The following PCDHA8 variants were observed in gnomAD, a reference collection of about 807,000 sequenced individuals.
The protein encoded by PCDHA8 is protocadherin alpha 8.
In PCDHA8, 53 loss-of-function variants were observed where a neutral mutation model predicts 61.8. The observed-to-expected ratio is 0.86, with a 90% CI of 0.69 to 1.08. The LOEUF (loss-of-function observed/expected upper bound fraction) is 1.08, where lower values mean the gene tolerates loss of function less well. PCDHA8 is among the 50% of genes least tolerant of loss of function. The pLI is 0.00. For synonymous variants in PCDHA8, 618 were observed against 556.6 expected, an observed-to-expected ratio of 1.11 and a Z score of -1.55; for missense variants, 1,293 against 1,245.0, an observed-to-expected ratio of 1.04 and a Z score of -0.58.
At chr5:140,904,859 T>C (rs1294164011) in intron 1 of PCDHA8, among the ~76,000 whole-genome samples, 8 of 152,242 alleles carry the variant, frequency 5.3e-5, no homozygotes, top group Non-Finnish European at 1.2e-4. Flanking sequence ...GAGAATTGTC[T>C]GTTTATGTCC....
chr5:141,009,494 A>G (rs1554262180), intron 3 of PCDHA8, 133 bp from the exon 4 acceptor site: 16 of 1,488,800 alleles, frequency 1.1e-5, no homozygotes, highest in Non-Finnish European at 1.4e-5. Flanking sequence ...TTGCCCTCAG[A>G]CTTGAACAAA....
At chr5:140,953,254 C>A (rs1483553184) in intron 1 of PCDHA8, among the ~76,000 whole-genome samples, 3 of 152,098 alleles carry the variant, frequency 2.0e-5, no homozygotes, top group Non-Finnish European at 2.9e-5. Flanking sequence ...CAGTTTAGTT[C>A]TTTTAGCTTT....
chr5:140,871,027 C>T (rs1554164992), intron 1 of PCDHA8: 1 of 1,613,114 alleles, frequency 6.2e-7, no homozygotes, highest in African/African-American at 1.3e-5. Context: ...GGCAGACTCG[C>T]CGCGCCACCG....
At chr5:140,871,593 A>G in intron 1 of PCDHA8, 3 of 1,458,668 alleles carry the variant, frequency 2.1e-6, no homozygotes, top group South Asian at 1.5e-5. Context: ...TTTTATGAAT[A>G]ACCAGTGTTT....
At chr5:140,871,564 C>T (rs782409405) in intron 1 of PCDHA8, 16 of 1,482,712 alleles carry the variant, frequency 1.1e-5, no homozygotes, top group East Asian at 2.5e-5. Flanking sequence ...TTTTTTTTCA[C>T]GGATTTTTTA....
intron 1 of PCDHA8, chr5:140,859,929 A>T (rs568538695): frequency 4.2e-4 from 64 of 152,162 alleles, no homozygotes; most frequent in African/African-American, 1.3e-3. Flanking sequence ...TAATATAAAA[A>T]ACTTAGTAAA....
intron 1 of PCDHA8, among the ~76,000 whole-genome samples, chr5:140,955,244 G>A (rs1554221834): frequency 2.0e-5 from 3 of 152,072 alleles, no homozygotes; most frequent in South Asian, 2.1e-4. Flanking sequence ...GCTTAGGATC[G>A]GCTTGGCTAT....
At position 140,882,987 on chromosome 5, in the gene PCDHA8, C is replaced by T; in HGVS notation, c.2394+39272C>T. The T allele has an allele frequency of 1.9e-6, 3 of 1,614,110 alleles. No individual in the cohort carries two copies. The highest frequency in any genetic ancestry group is 1.7e-6 in the Non-Finnish European group (2 of 1,180,042). ...ATTCTGGACGTGAATGACAACGCCC[C>T]GGAATTTTACCAATCCGTTTATAAA... is the stretch of plus-strand genomic sequence containing the variant. On this transcript the variant is annotated intron_variant, in intron 1 of 3. Coordinates refer to ENST00000531613, the MANE Select transcript of PCDHA8 (RefSeq NM_018911.3).
At chr5:140,862,934 G>A (rs1050739882) in intron 1 of PCDHA8, 1 of 542,302 alleles carries the variant, frequency 1.8e-6, no homozygotes, top group South Asian at 1.4e-5. Context: ...TGGCGGCGCT[G>A]TGAGTGAGCT....
intron 1 of PCDHA8, among the ~76,000 whole-genome samples, chr5:140,874,944 G>A (rs2055185348): frequency 6.6e-6 from 1 of 152,170 alleles, no homozygotes; most frequent in Non-Finnish European, 1.5e-5. Context: ...TGAAACAGCG[G>A]AATTGTAAGC....
intron 1 of PCDHA8, among the ~76,000 whole-genome samples, chr5:140,919,522 CT>C (rs1554199133): frequency 1.3e-5 from 2 of 152,000 alleles, no homozygotes; most frequent in Non-Finnish European, 2.9e-5. Flanking sequence ...TTTTAATTCT[CT>C]TTTTTTCCTA....
At chr5:140,892,707 G>A (rs958500270) in intron 1 of PCDHA8, among the ~76,000 whole-genome samples, 1 of 152,136 alleles carries the variant, frequency 6.6e-6, no homozygotes, top group African/African-American at 2.4e-5. Flanking sequence ...AGGGTAATTA[G>A]CATATTCATA....
At chr5:140,922,391 G>T (rs1354789717) in intron 1 of PCDHA8, among the ~76,000 whole-genome samples, 1 of 152,182 alleles carries the variant, frequency 6.6e-6, no homozygotes, top group Non-Finnish European at 1.5e-5. Context: ...AAGACTCCTT[G>T]TTTTGGATTA....
intron 1 of PCDHA8, among the ~76,000 whole-genome samples, chr5:140,970,589 C>T (rs74994687): frequency 6.6e-6 from 1 of 152,198 alleles, no homozygotes; most frequent in East Asian, 1.9e-4. Flanking sequence ...CAGAGATATG[C>T]TTTGTGATAC....
At chr5:140,958,343 T>C (rs904666839) in intron 1 of PCDHA8, among the ~76,000 whole-genome samples, 2 of 152,144 alleles carry the variant, frequency 1.3e-5, no homozygotes, top group African/African-American at 4.8e-5. Flanking sequence ...TCACAGGAAG[T>C]TCACAGTCTG....
At chr5:140,977,256 C>T (rs1304967733) in intron 1 of PCDHA8, among the ~76,000 whole-genome samples, 1 of 152,164 alleles carries the variant, frequency 6.6e-6, no homozygotes, top group Non-Finnish European at 1.5e-5. Flanking sequence ...CATTTCTCAG[C>T]AGATGTTACA....
rs371515299 is a variant in PCDHA8, at chr5:140,870,550, G to T, written c.2394+26835G>T. 1.5e-5 allele frequency: 24 copies of T among 1,613,948 alleles called. No individual in the cohort carries two copies. The highest frequency in any genetic ancestry group is 1.6e-4 in the Middle Eastern group (1 of 6,080). ...CACAGTGTCGGCGCGGGACGCGGAC[G>T]CGCAGGAGAACGCGCTGGTGTCCTA... On this transcript the variant is annotated intron_variant, in intron 1 of 3. Transcript: ENST00000531613.
intron 3 of PCDHA8, among the ~76,000 whole-genome samples, chr5:140,989,557 G>A (rs933151682): frequency 6.6e-6 from 1 of 152,166 alleles, no homozygotes; most frequent in Non-Finnish European, 1.5e-5. Context: ...TTTACGTTTT[G>A]TGGCTCCGGC....
chr5:140,845,796 C>A (rs1780039234), intron 1 of PCDHA8, among the ~76,000 whole-genome samples: 1 of 149,428 alleles, frequency 6.7e-6, no homozygotes, highest in African/African-American at 2.5e-5. Flanking sequence ...TAAACTCTGG[C>A]AAGTGATAGG....
Sources: gnomAD v4.1 joint callset for allele counts (sites outside exome capture counted in the v4.1 genomes callset) on GRCh38, gnomAD v4.1.1 for gene constraint, MANE v1.5 for transcripts, NCBI Gene and HGNC (gene_info 2026-07-23, HGNC 2026-07-21) for gene names.